The following UNC79 variants were observed in gnomAD, a reference collection of about 807,000 sequenced individuals.
UNC79 encodes unc-79 subunit of NALCN channel complex.
In UNC79, 37 loss-of-function variants were observed where a neutral mutation model predicts 283.1. The ratio of observed to expected loss-of-function variants is 0.13; its 90% CI spans 0.10 to 0.17. UNC79 has a LOEUF of 0.17. Ranked by LOEUF, UNC79 falls within the 10% of genes least tolerant of loss-of-function variation. The pLI is 1.00. For synonymous variants in UNC79, 1,107 were observed against 1,200.2 expected, an observed-to-expected ratio of 0.92 and a Z score of 1.61; for missense variants, 2,272 against 3,211.1, an observed-to-expected ratio of 0.71 and a Z score of 7.07.
At chr14:93,637,585 G>A (rs2068625314) in intron 32 of UNC79, among the ~76,000 whole-genome samples, 1 of 152,176 alleles carries the variant, frequency 6.6e-6, no homozygotes, top group Admixed American at 6.5e-5. Context: ...CTCCCGAGGA[G>A]TAGCTGGGAT....
At chr14:93,387,531 A>G (rs1221686471) in intron 1 of UNC79, among the ~76,000 whole-genome samples, 1 of 152,014 alleles carries the variant, frequency 6.6e-6, no homozygotes, top group African/African-American at 2.4e-5. Context: ...CTTAATTTCC[A>G]TGTGTTTGAA....
At chr14:93,581,323 C>T (rs2141753663) in intron 19 of UNC79, among the ~76,000 whole-genome samples, 1 of 151,674 alleles carries the variant, frequency 6.6e-6, no homozygotes, top group South Asian at 2.1e-4. Flanking sequence ...CACAGGCATG[C>T]CACCATGCCT....
chr14:93,574,698 C>T (rs1177357674), intron 16 of UNC79, among the ~76,000 whole-genome samples: 2 of 151,960 alleles, frequency 1.3e-5, no homozygotes, highest in Admixed American at 1.3e-4. Context: ...TCGGATGGGT[C>T]ATTGAGATCA....
intron 22 of UNC79, among the ~76,000 whole-genome samples, 190 bp downstream of exon 22, chr14:93,587,098 A>G (rs889120403): frequency 5.9e-5 from 9 of 152,216 alleles, no homozygotes; most frequent in African/African-American, 1.9e-4. Flanking sequence ...AAGGAATGGT[A>G]ATTTCCATTT....
At chr14:93,589,714 C>T (rs1370098972) in intron 22 of UNC79, among the ~76,000 whole-genome samples, 1 of 152,134 alleles carries the variant, frequency 6.6e-6, no homozygotes, top group Non-Finnish European at 1.5e-5. Flanking sequence ...AAGCAAGGGT[C>T]ATTTGGCCTG....
chr14:93,660,499 G>T (rs2071422238), intron 39 of UNC79, among the ~76,000 whole-genome samples: 1 of 122,710 alleles, frequency 8.1e-6, no homozygotes, highest in Admixed American at 9.0e-5. Flanking sequence ...TTCATCTATT[G>T]ACAATGTTTC....
chr14:93,369,259 T>A (rs1179776893), intron 1 of UNC79, among the ~76,000 whole-genome samples: 1 of 152,236 alleles, frequency 6.6e-6, no homozygotes, highest in Non-Finnish European at 1.5e-5. Flanking sequence ...CCCCTTCTAC[T>A]TATACTGTTC....
chr14:93,337,378 C>T (rs905925935), intron 1 of UNC79, among the ~76,000 whole-genome samples: 4 of 152,358 alleles, frequency 2.6e-5, no homozygotes, highest in East Asian at 3.9e-4. Flanking sequence ...GACAAGAACT[C>T]GGGAACCTTC....
At chr14:93,589,692 G>A (rs2064513042) in intron 22 of UNC79, among the ~76,000 whole-genome samples, 1 of 152,180 alleles carries the variant, frequency 6.6e-6, no homozygotes. Context: ...GAGGCCTGGA[G>A]GAAGTCTTGG....
intron 40 of UNC79, among the ~76,000 whole-genome samples, chr14:93,664,919 C>T (rs1341918945): frequency 6.6e-6 from 1 of 151,988 alleles, no homozygotes; most frequent in Admixed American, 6.6e-5. Context: ...AACATGAGCT[C>T]ATAATCTAAA....
chr14:93,706,787 G>T (rs200459525), exon 49 of UNC79: 2 of 1,614,190 alleles, frequency 1.2e-6, no homozygotes, highest in Non-Finnish European at 1.7e-6. Context: ...TGCCGGGCTC[G>T]GGCCAGAGCA....
At chr14:93,440,198 A>C (rs2056241417) in intron 1 of UNC79, among the ~76,000 whole-genome samples, 1 of 146,798 alleles carries the variant, frequency 6.8e-6, no homozygotes, top group Non-Finnish European at 1.5e-5. Flanking sequence ...TTTTATAAAA[A>C]GGACTTGAAC....
At chr14:93,389,880 T>C (rs1164014981) in intron 1 of UNC79, among the ~76,000 whole-genome samples, 1 of 152,246 alleles carries the variant, frequency 6.6e-6, no homozygotes, top group African/African-American at 2.4e-5. Context: ...CTTGAATTCC[T>C]GACCTCAGGT....
At chr14:93,419,373 T>A (rs1269877513) in intron 1 of UNC79, among the ~76,000 whole-genome samples, 3 of 151,402 alleles carry the variant, frequency 2.0e-5, no homozygotes. Context: ...TTCACCATCT[T>A]GGCCAGGCTC....
intron 35 of UNC79, among the ~76,000 whole-genome samples, chr14:93,652,676 T>A (rs186495862): frequency 4.4e-4 from 67 of 152,354 alleles, no homozygotes; most frequent in Non-Finnish European, 2.5e-4. Flanking sequence ...ACTGGCTGAT[T>A]TTTGAGTATT....
At chr14:93,477,584 A>G (rs1283868076) in exon 4 of UNC79, 2 of 1,608,124 alleles carry the variant, frequency 1.2e-6, no homozygotes, top group East Asian at 2.2e-5. Context: ...ATTTTATACA[A>G]CTACATGTTT....
intron 1 of UNC79, among the ~76,000 whole-genome samples, chr14:93,380,385 C>T (rs1395054790): frequency 6.6e-6 from 1 of 152,212 alleles, no homozygotes; most frequent in Admixed American, 6.5e-5. Context: ...AGGGTCATGT[C>T]AGAGCCTTTG....
At chr14:93,475,122 C>G (rs1404089541) in intron 3 of UNC79, among the ~76,000 whole-genome samples, 3 of 152,142 alleles carry the variant, frequency 2.0e-5, no homozygotes, top group African/African-American at 4.8e-5. Context: ...GTTTCATTAT[C>G]TTGGTTGCTT....
In UNC79 at chr14:93,603,308, G is replaced by T; in HGVS notation, c.3644G>T (p.Arg1215Leu). 1.9e-6 allele frequency: 3 copies of T among 1,614,144 alleles called. No homozygotes were observed. In the South Asian group the frequency reaches 3.3e-5, roughly 18 times the overall value. The change falls in exon 26 of 49, where the codon CGC (arginine) becomes CTC (leucine). Residue 1215 changes from arginine (R) to leucine (L), a missense_variant. This residue lies in a region of UNC79 where 237 missense variants were observed against 378.9 expected (regional missense o/e 0.63). Transcript: ENST00000555664. Reference sequence around the variant, plus strand: ...GCCTTATGGAAGATCAAGAGAGCTCGCTTTGCAAGAAACCGCCAGAAGAGT... The same window carrying T: ...GCCTTATGGAAGATCAAGAGAGCTCTCTTTGCAAGAAACCGCCAGAAGAGT...
Sources: allele counts gnomAD v4.1 joint callset (sites outside exome capture counted in the v4.1 genomes callset), GRCh38; gene constraint gnomAD v4.1.1; regional missense constraint gnomAD v4.1.1; transcripts MANE v1.5; gene names NCBI Gene and HGNC (gene_info 2026-07-23, HGNC 2026-07-21).